The following CLUH variants were observed in gnomAD, a reference collection of about 807,000 sequenced individuals.
The protein encoded by CLUH is CLUH binding protein of NUMT mRNA.
CLUH carries 77 observed loss-of-function variants against 139.3 expected under a neutral mutation model. That is an observed-to-expected ratio of 0.55 (90% CI 0.46 to 0.67). The LOEUF (loss-of-function observed/expected upper bound fraction) is 0.67, where lower values mean the gene tolerates loss of function less well. CLUH is among the 30% of genes least tolerant of loss of function. The probability of loss-of-function intolerance (pLI) is 0.00; values close to 1 mark genes in which losing one functional copy is unlikely to be tolerated. For synonymous variants in CLUH, 999 were observed against 801.6 expected (o/e 1.25, Z -4.16); for missense variants, 1,876 against 1,875.8 (o/e 1.00, Z 0.00).
intron 9 of CLUH, among the ~76,000 whole-genome samples, chr17:2,699,693 G>C (rs1320752343): frequency 6.7e-6 from 1 of 150,054 alleles, no homozygotes; most frequent in African/African-American, 2.5e-5. Context: ...GTGCAGTGAT[G>C]CAATTTCGGC....
At chr17:2,697,060 C>T (rs534441954) in intron 10 of CLUH, 118 bp from the exon 11 acceptor site, 14 of 756,842 alleles carry the variant, frequency 1.8e-5, no homozygotes, top group African/African-American at 1.1e-4. Flanking sequence ...ACCTCCTGGC[C>T]GGTGTGCATG....
intron 13 of CLUH, 66 bp from the exon 14 acceptor site, chr17:2,695,592 G>A: frequency 6.7e-7 from 1 of 1,492,596 alleles, no homozygotes; most frequent in African/African-American, 1.4e-5. Context: ...AGTCCTTCTG[G>A]GGGAGCACAG....
rs74532258 is a variant in CLUH, at chr17:2,694,009, T to A, written c.3122A>T (p.Asn1041Ile). Residue 1041 changes from asparagine (N) to isoleucine (I), a missense_variant, in exon 19 of 26, where the codon AAT (asparagine) becomes ATT (isoleucine). This residue lies in a region of CLUH where 1,454 missense variants were observed against 1,384.4 expected (regional missense o/e 1.05). Transcript: ENST00000651024. ...GFLKEGCELI[N>I]EALNLFNNVY... ...GTTGTTAAACAGGTTCAGGGCCTCA[T>A]TGATGAGCTCACAGCCCTCCTTCAG... The A allele has an allele frequency of 2.5e-6, 4 of 1,613,818 alleles. No homozygotes were observed. The highest frequency in any genetic ancestry group is 1.3e-5 in the African/African-American group (1 of 75,002).
At position 2,704,476 on chromosome 17, in the gene CLUH, C is replaced by A. The variant is rs756237494; in HGVS notation, c.189G>T (p.Gly63=). 2.5e-6 allele frequency: 4 copies of A among 1,597,716 alleles called. No individual in the cohort carries two copies. ...AAAAEPPREN[G]LDEAGPGDET... ...CATCTCCCGGGCCGGCCTCGTCAAG[C>A]CCATTTTCCCTGGGTGGCTCGGCCG... The change falls in exon 2 of 26, where the codon GGG becomes GGT. Residue 63 remains glycine, a synonymous_variant. Transcript: ENST00000651024. This position sits in a 1 kb window ranked among gnomAD's most constrained non-coding sequence, Gnocchi z 5.7.
intron 25 of CLUH, among the ~76,000 whole-genome samples, chr17:2,691,062 C>T (rs1000721546): frequency 6.6e-6 from 1 of 151,830 alleles, no homozygotes; most frequent in Non-Finnish European, 1.5e-5. Flanking sequence ...CCTTGCTGAC[C>T]AAATCCACTC....
chr17:2,691,431 G>A (rs949250677), intron 25 of CLUH, 178 bp downstream of exon 25: 4 of 622,666 alleles, frequency 6.4e-6, no homozygotes, highest in Admixed American at 2.7e-5. Context: ...GCGAGGTGGC[G>A]GACACCTGTA....
chr17:2,695,357 C>A lies in CLUH; in HGVS notation c.2544+17G>T. ...GTCCCACAGCTCCCGTTCCGCCCCA[C>A]CCCGGGCAGCACTCACAAAGACGTG... is the stretch of plus-strand genomic sequence containing the variant. On this transcript the variant is annotated intron_variant, in intron 14 of 25. Transcript: ENST00000651024. The A allele has an allele frequency of 3.7e-6, 6 of 1,612,982 alleles. No homozygotes were observed. Among genetic ancestry groups the A allele is most frequent in the Non-Finnish European group, 5.1e-6 (6 of 1,179,640 alleles).
At position 2,689,935 on chromosome 17, in the gene CLUH, G is replaced by A. The variant is rs1336041488; in HGVS notation, c.*659C>T. ...GTCAGAGCCACCCACTGGGCTCTGA[G>A]GGCCCAGCAAGCCAACCCCGACCCC... On this transcript the variant is annotated 3_prime_UTR_variant, in exon 26 of 26. Coordinates refer to ENST00000651024, the MANE Select transcript of CLUH (RefSeq NM_001366661.1). The A allele has an allele frequency of 6.5e-6, 1 of 152,720 alleles. No individual in the cohort carries two copies. Among genetic ancestry groups the A allele is most frequent in the Non-Finnish European group, 1.5e-5 (1 of 68,236 alleles). 9.5% of individuals were successfully genotyped at this position (152,720 alleles called of 1,614,324 possible). A position where few individuals can be genotyped will look rare whatever the true frequency, so the allele number is the denominator to read the frequency against.
intron 14 of CLUH, 42 bp downstream of exon 14, chr17:2,695,332 G>GCCCCACAGC: frequency 6.2e-7 from 1 of 1,613,318 alleles, no homozygotes; most frequent in Non-Finnish European, 8.5e-7. Context: ...CTCCATCCCA[G>GCCCCACAGC]TCCCACAGCT....
chr17:2,695,562 C>A, intron 13 of CLUH, 36 bp from the exon 14 acceptor site: 3 of 1,546,690 alleles, frequency 1.9e-6, no homozygotes, highest in Non-Finnish European at 1.7e-6. Flanking sequence ...CCACCCAGCT[C>A]CTCTGCCTCC....
At chr17:2,693,835 G>A (rs1388514472) in intron 19 of CLUH, 65 bp downstream of exon 19, 3 of 1,535,866 alleles carry the variant, frequency 2.0e-6, no homozygotes, top group African/African-American at 2.7e-5. Context: ...CCTCCGTCAG[G>A]GGCCCCCTCA....
Position 2,703,380 on chromosome 17 carries a change from TG to T in CLUH, c.412del (p.His138ThrfsTer60). The T allele has an allele frequency of 6.2e-7, 1 of 1,613,396 alleles. No homozygotes were observed. The highest frequency in any genetic ancestry group is 8.5e-7 in the Non-Finnish European group (1 of 1,179,768). On this transcript the variant is annotated frameshift_variant, in exon 3 of 26. Coordinates refer to ENST00000651024, the MANE Select transcript of CLUH (RefSeq NM_001366661.1). LOFTEE classifies it high-confidence loss of function. The surrounding 1 kb of genome is among the most constrained non-coding windows in gnomAD (Gnocchi z 4.2). ...SLHLDGNVLD[H>X]FSELRSVEGL... Reference sequence around the variant, plus strand: ...CTCGACGCTGCGCAGCTCCGAGAAGTGGTCCAGCACGTTGCCATCCAGGTGC... The same window carrying T: ...CTCGACGCTGCGCAGCTCCGAGAAGTGTCCAGCACGTTGCCATCCAGGTGC...
rs530875150 is a variant in CLUH, at chr17:2,698,336, C to T, written c.1521G>A (p.Thr507=). The T allele has an allele frequency of 2.2e-5, 36 of 1,613,144 alleles. 1 individual carries two copies. Among genetic ancestry groups the T allele is most frequent in the Middle Eastern group, 3.3e-4 (2 of 6,060 alleles). The change falls in exon 10 of 26, where the codon ACG becomes ACA. Residue 507 remains threonine, a synonymous_variant. Transcript: ENST00000651024. The part of the protein sequence containing the change: ...YNAVDVEGLY[T]LGTVVVDYRG... ...GGTAATCCACCACCACCGTGCCCAG[C>T]GTGTACAGCCCCTCCACGTCCACCG...
chr17:2,701,562 G>T (rs376916193), intron 5 of CLUH, 42 bp from the exon 6 acceptor site: 113 of 1,612,026 alleles, frequency 7.0e-5, no homozygotes, highest in Non-Finnish European at 7.2e-5. Flanking sequence ...CCTCTGGTGT[G>T]GGGCCTCCAC....
At chr17:2,692,278 GGA>G in intron 22 of CLUH, 81 bp downstream of exon 22, 2 of 1,465,002 alleles carry the variant, frequency 1.4e-6, no homozygotes, top group Non-Finnish European at 1.8e-6. Flanking sequence ...GAGGAAGACA[GGA>G]GCACTGGGTC....
In CLUH at chr17:2,690,577, T is replaced by G. The variant is rs1376569462; in HGVS notation, c.*17A>C. Reference sequence around the variant, plus strand: ...TGGTGACGGGGCCGCTGGCTGGCTGTCCGTCTGGCTCCCTCTCTATCCCTG... The same window carrying G: ...TGGTGACGGGGCCGCTGGCTGGCTGGCCGTCTGGCTCCCTCTCTATCCCTG... On this transcript the variant is annotated 3_prime_UTR_variant, in exon 26 of 26. Transcript: ENST00000651024. 3 of 1,431,154 alleles carry G rather than the reference T, an allele frequency of 2.1e-6. No homozygotes were observed. Among genetic ancestry groups the G allele is most frequent in the Non-Finnish European group, 2.8e-6 (3 of 1,088,498 alleles). 88.7% of individuals were successfully genotyped at this position (1,431,154 alleles called of 1,614,324 possible). A position where few individuals can be genotyped will look rare whatever the true frequency, so the allele number is the denominator to read the frequency against.
chr17:2,700,168 C>G (rs1331990945), intron 9 of CLUH, among the ~76,000 whole-genome samples: 2 of 152,238 alleles, frequency 1.3e-5, no homozygotes, highest in Admixed American at 6.5e-5. Flanking sequence ...CTTCCAGGGA[C>G]TCAAAGCCTC....
At chr17:2,692,945 G>A (rs753930723) in intron 19 of CLUH, 85 bp from the exon 20 acceptor site, 18 of 1,335,332 alleles carry the variant, frequency 1.3e-5, no homozygotes, top group African/African-American at 1.0e-4. Context: ...GCAGCCCACG[G>A]TGCCGCTCTG....
chr17:2,695,513 A>C lies in CLUH; in HGVS notation c.2405T>G (p.Met802Arg), dbSNP rs776649428. The change falls in exon 14 of 26, where the codon ATG (methionine) becomes AGG (arginine). Residue 802 changes from methionine to arginine, a missense_variant. By Grantham distance (91) the Met-to-Arg change is moderately conservative. Around this residue, in one of 3 missense-constraint regions of CLUH, gnomAD observed 1,454 missense variants for 1,384.4 expected, o/e 1.05. Transcript: ENST00000651024. ...CQIPGLVKDC[M>R]EHAVLPVDGA... Reference sequence around the variant, plus strand: ...GTCCACGGGCAGGACCGCGTGCTCCATGCAGTCCTTCACCTGCGGGCTGCA... The same window carrying C: ...GTCCACGGGCAGGACCGCGTGCTCCCTGCAGTCCTTCACCTGCGGGCTGCA... 2 of 1,603,488 alleles carry C rather than the reference A, an allele frequency of 1.2e-6. No homozygotes were observed. The highest frequency in any genetic ancestry group is 1.7e-6 in the Non-Finnish European group (2 of 1,179,048).
Sources: gnomAD v4.1 joint callset for allele counts (sites outside exome capture counted in the v4.1 genomes callset) on GRCh38, gnomAD v4.1.1 for gene constraint, gnomAD v4.1.1 regional missense constraint, Gnocchi (gnomAD v3.1) non-coding constraint, MANE v1.5 for transcripts, NCBI Gene and HGNC (gene_info 2026-07-23, HGNC 2026-07-21) for gene names.